FARP1: variants seen among roughly 807,000 people sequenced by gnomAD.
FARP1 encodes FERM, ARH/RhoGEF and pleckstrin domain protein 1.
FARP1 carries 52 observed loss-of-function variants against 128.8 expected under a neutral mutation model. The observed-to-expected ratio is 0.40, with a 90% CI of 0.32 to 0.51. The LOEUF is 0.51. FARP1 is among the 20% of genes least tolerant of loss of function. The pLI is 0.45. For missense variants in FARP1, 1,333 were observed against 1,367.9 expected, an observed-to-expected ratio of 0.97 and a Z score of 0.40; for synonymous variants, 580 against 551.8, an observed-to-expected ratio of 1.05 and a Z score of -0.72.
chr13:98,438,892 T>A lies in FARP1; in HGVS notation c.2343+20T>A, dbSNP rs200797249. The A allele has an allele frequency of 1.9e-6, 3 of 1,612,208 alleles. No individual in the cohort carries two copies. Among genetic ancestry groups the A allele is most frequent in the African/African-American group, 1.3e-5 (1 of 75,030 alleles). On this transcript the variant is annotated intron_variant, in intron 20 of 26. Transcript: ENST00000319562. ...TTCCTGGTGAGTGGAGAGAGCGGCT[T>A]GTCCTCACAAGGATTGTGTCACCTG...
At chr13:98,253,680 T>A (rs1412314505) in intron 2 of FARP1, among the ~76,000 whole-genome samples, 2 of 152,220 alleles carry the variant, frequency 1.3e-5, no homozygotes. Context: ...GTCGCACCGC[T>A]AAGTCATCGT....
intron 13 of FARP1, chr13:98,404,152 T>A (rs1485698926): frequency 6.6e-6 from 1 of 152,248 alleles, no homozygotes; most frequent in Non-Finnish European, 1.5e-5. Context: ...ATTAGTGCAT[T>A]TCAATTCTTT....
chr13:98,393,076 G>A (rs189274624), intron 11 of FARP1, among the ~76,000 whole-genome samples: 1 of 152,154 alleles, frequency 6.6e-6, no homozygotes, highest in Non-Finnish European at 1.5e-5. Flanking sequence ...GGGGAAAAGG[G>A]GAATAGGCAG....
At position 98,435,957 on chromosome 13, in the gene FARP1, T is replaced by C. The variant is rs1481752625; in HGVS notation, c.2274+251T>C. Reference sequence around the variant, plus strand: ...CGGGGTGATTCGCTTCTTTACCTTTTCCCCTACCATATCCCACAGAAGATT... The same window carrying C: ...CGGGGTGATTCGCTTCTTTACCTTTCCCCCTACCATATCCCACAGAAGATT... On this transcript the variant is annotated intron_variant, in intron 19 of 26. Coordinates refer to ENST00000319562, the MANE Select transcript of FARP1 (RefSeq NM_005766.4). The C allele has an allele frequency of 7.3e-6, 4 of 548,190 alleles. No individual in the cohort carries two copies. In the Admixed American group the frequency reaches 9.6e-5, roughly 13 times the overall value. 34.0% of individuals were successfully genotyped at this position (548,190 alleles called of 1,614,324 possible). A position where few individuals can be genotyped will look rare whatever the true frequency, so the allele number is the denominator to read the frequency against.
At chr13:98,207,907 TCCACACACACACACAC>T (rs1405979748) in intron 1 of FARP1, among the ~76,000 whole-genome samples, 59 of 33,166 alleles carry the variant, frequency 1.8e-3, no homozygotes, top group African/African-American at 5.6e-3. Context: ...GACCACCACC[TCCACACACACACACAC>T]ACACACACAC....
intron 1 of FARP1, among the ~76,000 whole-genome samples, chr13:98,183,241 A>G (rs1283668828): frequency 6.6e-6 from 1 of 151,942 alleles, no homozygotes; most frequent in African/African-American, 2.4e-5. Flanking sequence ...AGCTTACACT[A>G]TGTTTTACTG....
intron 17 of FARP1, 56 bp from the exon 18 acceptor site, chr13:98,430,987 A>G: frequency 8.8e-7 from 1 of 1,141,908 alleles, no homozygotes. Flanking sequence ...ACTGGGCAGA[A>G]CACAGGTGCA....
intron 2 of FARP1, among the ~76,000 whole-genome samples, chr13:98,269,639 T>A (rs1884294003): frequency 6.6e-6 from 1 of 152,216 alleles, no homozygotes; most frequent in Non-Finnish European, 1.5e-5. Flanking sequence ...ACATAATATT[T>A]AGCTTTCAGT....
chr13:98,177,659 A>G (rs994128957), intron 1 of FARP1, among the ~76,000 whole-genome samples: 2 of 103,580 alleles, frequency 1.9e-5, no homozygotes, highest in African/African-American at 2.8e-5. Flanking sequence ...ATTAAAAAAA[A>G]AAAAACCAAA....
rs1448646332 is a variant in FARP1 at position 98,448,639 on chromosome 13, C to G, written c.*322C>G. 1 of 256,822 alleles carries G rather than the reference C, an allele frequency of 3.9e-6. No homozygotes were observed. Among genetic ancestry groups the G allele is most frequent in the Non-Finnish European group, 7.4e-6 (1 of 134,632 alleles). 15.9% of individuals were successfully genotyped at this position (256,822 alleles called of 1,614,324 possible). ...GAAAAACAGTACACACACATCCGTT[C>G]AACACAAGACAGGGCAAGTGTTTTT... On this transcript the variant is annotated 3_prime_UTR_variant, in exon 27 of 27. Transcript: ENST00000319562.
Position 98,448,616 on chromosome 13 carries a change from A to G in FARP1, c.*299A>G. 5.7e-6 allele frequency: 2 copies of G among 353,446 alleles called. No individual in the cohort carries two copies. The highest frequency in any genetic ancestry group is 1.0e-5 in the Non-Finnish European group (2 of 192,158). 21.9% of individuals were successfully genotyped at this position (353,446 alleles called of 1,614,324 possible). ...CATCTTCCCTCCACCCTGCCCCTGAAAAACAGTACACACACATCCGTTCAA... is the reference window on the plus strand; with the variant it reads ...CATCTTCCCTCCACCCTGCCCCTGAGAAACAGTACACACACATCCGTTCAA... On this transcript the variant is annotated 3_prime_UTR_variant, in exon 27 of 27. Transcript: ENST00000319562.
At chr13:98,352,030 AGGT>A (rs375833462) in intron 3 of FARP1, among the ~76,000 whole-genome samples, 16 of 152,172 alleles carry the variant, frequency 1.1e-4, no homozygotes, top group African/African-American at 1.7e-4. Flanking sequence ...AGTTCTAAGA[AGGT>A]GGTGGTGGTG....
At position 98,453,390 on chromosome 13, in the gene FARP1, A is replaced by G. The variant is rs1403822433; in HGVS notation, c.*5073A>G. On this transcript the variant is annotated 3_prime_UTR_variant, in exon 27 of 27. Coordinates refer to ENST00000319562, the MANE Select transcript of FARP1 (RefSeq NM_005766.4). Reference sequence around the variant, plus strand: ...AATGCATATAAAGACTGAGAAGATCATGATTCTTACACAAAAACTCCAGAG... The same window carrying G: ...AATGCATATAAAGACTGAGAAGATCGTGATTCTTACACAAAAACTCCAGAG... 3.2e-6 allele frequency: 2 copies of G among 627,964 alleles called. No homozygotes were observed. Among genetic ancestry groups the G allele is most frequent in the African/African-American group, 3.7e-5 (2 of 53,354 alleles). 38.9% of individuals were successfully genotyped at this position (627,964 alleles called of 1,614,324 possible). A position where few individuals can be genotyped will look rare whatever the true frequency, so the allele number is the denominator to read the frequency against.
chr13:98,240,405 C>T (rs1882699726), intron 2 of FARP1, among the ~76,000 whole-genome samples: 1 of 152,062 alleles, frequency 6.6e-6, no homozygotes, highest in South Asian at 2.1e-4. Flanking sequence ...CGGCGATGCT[C>T]CCAGTTTATT....
chr13:98,440,677 T>C lies in FARP1; in HGVS notation c.2637T>C (p.Pro879=), dbSNP rs762879594. ...LASSPPDNKS[P]DEATAADQES... ...TTTTGCCCCATCCTGTAGAGTCCCC[T>C]GATGAAGCCACCGCGGCTGACCAGG... The change falls in exon 24 of 27, where the codon CCT becomes CCC. Residue 879 remains proline, a synonymous_variant. Transcript: ENST00000319562. 4 of 1,612,380 alleles carry C rather than the reference T, an allele frequency of 2.5e-6. 1 individual carries two copies. In the South Asian group the frequency reaches 4.4e-5, roughly 18 times the overall value.
At chr13:98,154,379 TA>T (rs1743940919) in intron 1 of FARP1, among the ~76,000 whole-genome samples, 2 of 152,344 alleles carry the variant, frequency 1.3e-5, no homozygotes, top group Non-Finnish European at 2.9e-5. Flanking sequence ...CATGGTTATA[TA>T]TTTTTTTAAC....
At chr13:98,442,897 C>T (rs1892586841) in intron 24 of FARP1, among the ~76,000 whole-genome samples, 1 of 152,256 alleles carries the variant, frequency 6.6e-6, no homozygotes, top group Non-Finnish European at 1.5e-5. Context: ...TGGGGTTTGT[C>T]ATAGGCCTCA....
At chr13:98,243,506 C>T (rs1882893169) in intron 2 of FARP1, among the ~76,000 whole-genome samples, 1 of 151,192 alleles carries the variant, frequency 6.6e-6, no homozygotes, top group Admixed American at 6.6e-5. Flanking sequence ...TGAACTTGGC[C>T]AAGATAGTGA....
Position 98,392,263 on chromosome 13 carries a change from T to G in FARP1, c.1089-1380T>G, listed in dbSNP as rs1443420833. On this transcript the variant is annotated intron_variant, in intron 11 of 26. Coordinates refer to ENST00000319562, the MANE Select transcript of FARP1 (RefSeq NM_005766.4). ...ACTTTGGGATGCCGAAGTGGGTGGATCACTTGAGCTCAGGAGTTTGAGACC... is the reference window on the plus strand; with the variant it reads ...ACTTTGGGATGCCGAAGTGGGTGGAGCACTTGAGCTCAGGAGTTTGAGACC... Among the ~76,000 whole-genome samples, 17 of 137,514 alleles carry G rather than the reference T, an allele frequency of 1.2e-4. 1 individual carries two copies. The highest frequency in any genetic ancestry group is 4.8e-4 in the African/African-American group (17 of 35,766). 90.2% of individuals were successfully genotyped at this position (137,514 alleles called of 152,430 possible).
Sources: allele counts gnomAD v4.1 joint callset (sites outside exome capture counted in the v4.1 genomes callset), GRCh38; gene constraint gnomAD v4.1.1; transcripts MANE v1.5; gene names NCBI Gene and HGNC (gene_info 2026-07-23, HGNC 2026-07-21).